Variants in PDE10A observed in about 807,000 individuals in gnomAD.
The protein encoded by PDE10A is phosphodiesterase 10A.
In PDE10A, 39 loss-of-function variants were observed where a neutral mutation model predicts 97.7. The observed-to-expected ratio is 0.40, with a 90% confidence interval of 0.31 to 0.52. The LOEUF (loss-of-function observed/expected upper bound fraction) is 0.52, where lower values mean the gene tolerates loss of function less well. Ranked by LOEUF, PDE10A falls within the 20% of genes least tolerant of loss-of-function variation. The probability of loss-of-function intolerance (pLI) is 0.56; values close to 1 mark genes in which losing one functional copy is unlikely to be tolerated. For missense variants in PDE10A, 731 were observed against 1,047.8 expected, an observed-to-expected ratio of 0.70 and a Z score of 4.17; for synonymous variants, 371 against 376.8, an observed-to-expected ratio of 0.98 and a Z score of 0.18.
rs73245685 is a variant in PDE10A, at chr6:165,454,571, T to G, written c.1024-4209A>C. Among the ~76,000 whole-genome samples, 899 of 152,260 alleles carry G rather than the reference T, an allele frequency of 5.9e-3. 10 individuals are homozygous for G. Among genetic ancestry groups the G allele is most frequent in the African/African-American group, 0.021 (863 of 41,542 alleles). ...GGGTTTCTGAATAAAAGGATGAGTT[T>G]GGCCACCTTCCTCTCTCTCTAAAGC... is the stretch of plus-strand genomic sequence containing the variant. On this transcript the variant is annotated intron_variant, in intron 3 of 21. Coordinates refer to ENST00000539869, the MANE Select transcript of PDE10A (RefSeq NM_001385079.1).
intron 1 of PDE10A, among the ~76,000 whole-genome samples, chr6:165,612,318 A>G (rs1787532901): frequency 6.6e-6 from 1 of 152,148 alleles, no homozygotes; most frequent in Admixed American, 6.5e-5. Context: ...CTGCTCCTTA[A>G]TCCCATACAC....
intron 17 of PDE10A, among the ~76,000 whole-genome samples, chr6:165,387,838 T>C (rs539147543): frequency 6.6e-6 from 1 of 152,322 alleles, no homozygotes; most frequent in African/African-American, 2.4e-5. Context: ...TGTCTGTGAT[T>C]GTCTACATCA....
At chr6:165,442,627 C>T (rs1357101853) in intron 5 of PDE10A, among the ~76,000 whole-genome samples, 1 of 152,082 alleles carries the variant, frequency 6.6e-6, no homozygotes, top group Non-Finnish European at 1.5e-5. Flanking sequence ...CCCCATGATC[C>T]AATCACCTCC....
chr6:165,649,580 G>A (rs886293382), intron 1 of PDE10A, among the ~76,000 whole-genome samples: 8 of 152,090 alleles, frequency 5.3e-5, no homozygotes, highest in Admixed American at 1.3e-4. Context: ...CCCTAGCCCC[G>A]GTATACAGCA....
chr6:165,400,005 A>G (rs1397723478), intron 13 of PDE10A, among the ~76,000 whole-genome samples: 2 of 152,232 alleles, frequency 1.3e-5, no homozygotes, highest in Non-Finnish European at 2.9e-5. Context: ...CAGTGGAACT[A>G]AATACAGAAA....
At chr6:165,735,414 G>C (rs1792550130) in intron 1 of PDE10A, among the ~76,000 whole-genome samples, 1 of 151,984 alleles carries the variant, frequency 6.6e-6, no homozygotes, top group African/African-American at 2.4e-5. Flanking sequence ...AGGTACATAG[G>C]TAGATAGGTA....
At chr6:165,737,999 T>TTTTTATTTTA (rs57411816) in intron 1 of PDE10A, among the ~76,000 whole-genome samples, 1 of 134,510 alleles carries the variant, frequency 7.4e-6, no homozygotes, top group African/African-American at 2.5e-5. Flanking sequence ...CCACTTCTTT[T>TTTTTATTTTA]TTTTATTTTA....
At chr6:165,716,204 C>T (rs1008644740) in intron 1 of PDE10A, among the ~76,000 whole-genome samples, 2 of 152,108 alleles carry the variant, frequency 1.3e-5, no homozygotes, top group Non-Finnish European at 2.9e-5. Context: ...CTCTGGGTTC[C>T]GAGTCTCCAC....
chr6:165,848,551 C>T (rs2128474446), intron 1 of PDE10A, among the ~76,000 whole-genome samples: 1 of 152,238 alleles, frequency 6.6e-6, no homozygotes, highest in South Asian at 2.1e-4. Flanking sequence ...AAGAAATAAA[C>T]ACACCATGCG....
Position 165,484,041 on chromosome 6 carries a change from C to T in PDE10A, c.995-1698G>A, listed in dbSNP as rs937629315. 2.0e-5 allele frequency among the ~76,000 whole-genome samples: 3 copies of T among 152,216 alleles called. No homozygotes were observed. In the South Asian group the frequency reaches 6.2e-4, roughly 32 times the overall value. On this transcript the variant is annotated intron_variant, in intron 2 of 21. Transcript: ENST00000539869. ...AGGAGCTGATTTAGAAAATCAATGT[C>T]TCCAACTTAACACTCAATTTTAGTT...
Position 165,332,966 on chromosome 6 carries a change from ATGTC to A in PDE10A, c.*55_*58del. 2 of 811,992 alleles carry A rather than the reference ATGTC, an allele frequency of 2.5e-6. No individual in the cohort carries two copies. The highest frequency in any genetic ancestry group is 4.0e-6 in the Non-Finnish European group (2 of 497,532). 50.3% of individuals were successfully genotyped at this position (811,992 alleles called of 1,614,324 possible). A position where few individuals can be genotyped will look rare whatever the true frequency, so the allele number is the denominator to read the frequency against. On this transcript the variant is annotated 3_prime_UTR_variant, in exon 22 of 22. Coordinates refer to ENST00000539869, the MANE Select transcript of PDE10A (RefSeq NM_001385079.1). ...CACCCCCCCCAAAAAAAGGAAAAGA[ATGTC>A]AAAGAAGCAAGATGAGGATCTGTAG...
chr6:165,582,886 G>T (rs1785695665), intron 1 of PDE10A, among the ~76,000 whole-genome samples: 1 of 152,024 alleles, frequency 6.6e-6, no homozygotes, highest in Non-Finnish European at 1.5e-5. Context: ...TTCTCCCCAA[G>T]AAAACACACA....
intron 3 of PDE10A, among the ~76,000 whole-genome samples, chr6:165,478,874 C>T (rs941327259): frequency 6.6e-6 from 1 of 152,178 alleles, no homozygotes; most frequent in Admixed American, 6.5e-5. Context: ...ATAACTCTTT[C>T]AACTAATTGC....
chr6:165,974,431 C>A (rs909827552), intron 1 of PDE10A, among the ~76,000 whole-genome samples: 3 of 152,148 alleles, frequency 2.0e-5, no homozygotes, highest in East Asian at 3.9e-4. Context: ...GAGGAAAGAA[C>A]CTGTCTGCCC....
In PDE10A at chr6:165,771,898, G is replaced by A. The variant is rs370142773; in HGVS notation, c.-615+215631C>T. Among the ~76,000 whole-genome samples the A allele has an allele frequency of 3.3e-5, 5 of 152,104 alleles. No individual in the cohort carries two copies. The East Asian group carries it at 9.6e-4, about 29-fold the overall frequency. ...TGTGATGCAGAGCTGGCTGCATGAG[G>A]GGAAGACAGGCCAGAGAGACCGGGG... is the stretch of plus-strand genomic sequence containing the variant. On this transcript the variant is annotated intron_variant, in intron 1 of 19. Coordinates refer to the PDE10A transcript ENST00000366882.
intron 1 of PDE10A, among the ~76,000 whole-genome samples, chr6:165,845,998 G>A (rs550167077): frequency 6.6e-6 from 1 of 152,314 alleles, no homozygotes; most frequent in Non-Finnish European, 1.5e-5. Context: ...AAAAAAAGGT[G>A]TCTGAATTTG....
At chr6:165,881,369 C>T (rs1184778563) in intron 1 of PDE10A, among the ~76,000 whole-genome samples, 1 of 149,740 alleles carries the variant, frequency 6.7e-6, no homozygotes, top group Non-Finnish European at 1.5e-5. Flanking sequence ...CAGCAACAAG[C>T]AATTTCTTTT....
chr6:165,758,116 T>C (rs573419355), intron 1 of PDE10A, among the ~76,000 whole-genome samples: 1 of 152,236 alleles, frequency 6.6e-6, no homozygotes, highest in Non-Finnish European at 1.5e-5. Context: ...CTTAACTTTT[T>C]CATGAGATTA....
chr6:165,773,874 C>G (rs930378136), intron 1 of PDE10A, among the ~76,000 whole-genome samples: 1 of 151,998 alleles, frequency 6.6e-6, no homozygotes, highest in Non-Finnish European at 1.5e-5. Flanking sequence ...TAGCCCTGAA[C>G]CCTGAAAATC....
Sources: allele counts gnomAD v4.1 joint callset (sites outside exome capture counted in the v4.1 genomes callset), GRCh38; gene constraint gnomAD v4.1.1; transcripts MANE v1.5; gene names NCBI Gene and HGNC (gene_info 2026-07-23, HGNC 2026-07-21).